Variants in GREM2 observed in about 807,000 individuals in gnomAD.
The protein encoded by GREM2 is gremlin-2.
Under a neutral mutation model 14.2 loss-of-function variants are expected in GREM2, and 11 were observed. The ratio of observed to expected loss-of-function variants is 0.78; its 90% CI spans 0.49 to 1.28. GREM2 has a LOEUF of 1.28. Ranked by LOEUF, GREM2 falls within the 50% of genes most tolerant of loss-of-function variation. The probability of loss-of-function intolerance (pLI) is 0.00; values close to 1 mark genes in which losing one functional copy is unlikely to be tolerated. For missense variants in GREM2, 210 were observed against 218.5 expected, an observed-to-expected ratio of 0.96 and a Z score of 0.24; for synonymous variants, 98 against 97.6, an observed-to-expected ratio of 1.00 and a Z score of -0.02.
chr1:240,567,564 T>C (rs1679193914), intron 1 of GREM2, among the ~76,000 whole-genome samples: 1 of 152,182 alleles, frequency 6.6e-6, no homozygotes, highest in Non-Finnish European at 1.5e-5. Flanking sequence ...TAGAATTCAA[T>C]ATTCAACAAA....
intron 1 of GREM2, among the ~76,000 whole-genome samples, chr1:240,582,946 G>A (rs1679519535): frequency 6.6e-6 from 1 of 152,146 alleles, no homozygotes; most frequent in South Asian, 2.1e-4. Flanking sequence ...TGGATTCCAT[G>A]GCTGATTTTA....
intron 1 of GREM2, chr1:240,588,612 G>A (rs1310371291): frequency 6.6e-6 from 1 of 152,034 alleles, no homozygotes; most frequent in Non-Finnish European, 1.5e-5. Flanking sequence ...GAGCTTTTTC[G>A]TGCAAGGTCA....
chr1:240,493,209 G>A lies in GREM2; in HGVS notation c.267C>T (p.Ser89=), dbSNP rs767493546. 1 of 1,614,112 alleles carries A rather than the reference G, an allele frequency of 6.2e-7. No individual in the cohort carries two copies. The highest frequency in any genetic ancestry group is 8.5e-7 in the Non-Finnish European group (1 of 1,180,030). ...RQTVSEEGCR[S]RTILNRFCYG... is the part of the protein sequence containing the mutation. ...AGCAGAAGCGGTTGAGGATGGTGCG[G>A]CTCCGGCAGCCCTCCTCGCTCACCG... Residue 89 remains serine (S), a synonymous_variant, in exon 2 of 2, where the codon AGC becomes AGT. Coordinates refer to ENST00000318160, the MANE Select transcript of GREM2 (RefSeq NM_022469.4).
At chr1:240,563,362 G>A (rs908568386) in intron 1 of GREM2, among the ~76,000 whole-genome samples, 5 of 152,194 alleles carry the variant, frequency 3.3e-5, no homozygotes, top group African/African-American at 7.2e-5. Flanking sequence ...TAGGTTCATG[G>A]TGGATGGACT....
intron 1 of GREM2, among the ~76,000 whole-genome samples, chr1:240,525,212 A>G (rs2103307918): frequency 6.6e-6 from 1 of 152,180 alleles, no homozygotes; most frequent in South Asian, 2.1e-4. Context: ...TCTTTCCTTA[A>G]GATTTCTGAG....
intron 1 of GREM2, among the ~76,000 whole-genome samples, chr1:240,511,556 GC>G (rs1677829477): frequency 6.6e-6 from 1 of 152,180 alleles, no homozygotes. Flanking sequence ...TTGGAGACCA[GC>G]CTGGCCAACA....
At chr1:240,496,585 T>C (rs1423313255) in intron 1 of GREM2, among the ~76,000 whole-genome samples, 1 of 152,208 alleles carries the variant, frequency 6.6e-6, no homozygotes, top group Non-Finnish European at 1.5e-5. Flanking sequence ...TAGTATTTCA[T>C]AATCACACTT....
intron 1 of GREM2, among the ~76,000 whole-genome samples, chr1:240,513,670 C>T (rs1349586064): frequency 2.6e-5 from 4 of 151,564 alleles, no homozygotes; most frequent in African/African-American, 9.7e-5. Context: ...GATGGGGATA[C>T]GGCAGATGGG....
intron 1 of GREM2, among the ~76,000 whole-genome samples, chr1:240,507,306 T>TTCATTCCTCCTTCCC (rs1677699028): frequency 7.6e-6 from 1 of 130,904 alleles, no homozygotes; most frequent in South Asian, 2.8e-4. Context: ...CCTCCCTTCC[T>TTCATTCCTCCTTCCC]TCCTTCCTCC....
chr1:240,517,741 G>A (rs1166377487), intron 1 of GREM2, among the ~76,000 whole-genome samples: 1 of 152,074 alleles, frequency 6.6e-6, no homozygotes, highest in East Asian at 1.9e-4. Context: ...ACATCAAATA[G>A]CTCCTGGGGA....
rs139480341 is a variant in GREM2, at chr1:240,521,219, G to A, written c.-1-27743C>T. Among the ~76,000 whole-genome samples the A allele has an allele frequency of 2.6e-4, 39 of 152,194 alleles. 1 individual carries two copies. Among genetic ancestry groups the A allele is most frequent in the African/African-American group, 9.4e-4 (39 of 41,528 alleles). On this transcript the variant is annotated intron_variant, in intron 1 of 1. Coordinates refer to ENST00000318160, the MANE Select transcript of GREM2 (RefSeq NM_022469.4). ...CAGCTTATAGATGTCCACACACAAAGACCTTAATATGTTCTCTCTTTCCCC... is the reference window on the plus strand; with the variant it reads ...CAGCTTATAGATGTCCACACACAAAAACCTTAATATGTTCTCTCTTTCCCC...
chr1:240,569,600 G>C (rs1679223081), intron 1 of GREM2, among the ~76,000 whole-genome samples: 1 of 152,158 alleles, frequency 6.6e-6, no homozygotes, highest in Non-Finnish European at 1.5e-5. Flanking sequence ...TTAGAGAACG[G>C]ATATATAGCC....
intron 1 of GREM2, among the ~76,000 whole-genome samples, chr1:240,610,659 C>T (rs779927689): frequency 6.6e-6 from 1 of 152,146 alleles, no homozygotes; most frequent in Non-Finnish European, 1.5e-5. Flanking sequence ...AATGGTGAGT[C>T]GATTGCGAAT....
chr1:240,597,195 G>A (rs906585292), intron 1 of GREM2, among the ~76,000 whole-genome samples: 1 of 152,230 alleles, frequency 6.6e-6, no homozygotes, highest in Non-Finnish European at 1.5e-5. Flanking sequence ...GAATGAGACC[G>A]CTGTCTCGGG....
chr1:240,547,330 C>A (rs889621883), intron 1 of GREM2, among the ~76,000 whole-genome samples: 7 of 151,568 alleles, frequency 4.6e-5, no homozygotes, highest in African/African-American at 1.7e-4. Context: ...GAAACCCTGT[C>A]TCTACTAAAA....
At chr1:240,522,324 CA>C (rs919107230) in intron 1 of GREM2, among the ~76,000 whole-genome samples, 1 of 152,130 alleles carries the variant, frequency 6.6e-6, no homozygotes, top group Non-Finnish European at 1.5e-5. Flanking sequence ...CCCCTGACAA[CA>C]ATGTATCTGG....
intron 1 of GREM2, among the ~76,000 whole-genome samples, chr1:240,596,700 A>G (rs1364598618): frequency 6.6e-6 from 1 of 152,068 alleles, no homozygotes; most frequent in East Asian, 1.9e-4. Flanking sequence ...CTGTCAAAAA[A>G]AAAAAAACAC....
At chr1:240,520,800 C>T (rs1678067110) in intron 1 of GREM2, among the ~76,000 whole-genome samples, 1 of 151,886 alleles carries the variant, frequency 6.6e-6, no homozygotes, top group African/African-American at 2.4e-5. Context: ...GCCTCGGCTT[C>T]CCAAAGTGCT....
intron 1 of GREM2, among the ~76,000 whole-genome samples, chr1:240,578,925 C>T (rs1679425303): frequency 6.6e-6 from 1 of 152,136 alleles, no homozygotes; most frequent in Admixed American, 6.6e-5. Flanking sequence ...GCAGGTGGGT[C>T]AGTGAATCTG....
Sources: allele counts gnomAD v4.1 joint callset (sites outside exome capture counted in the v4.1 genomes callset), GRCh38; gene constraint gnomAD v4.1.1; transcripts MANE v1.5; gene names NCBI Gene and HGNC (gene_info 2026-07-23, HGNC 2026-07-21).